Variants in DOK6 observed in about 807,000 individuals in gnomAD.
DOK6 encodes the protein downstream of tyrosine kinase 6.
DOK6 carries 22 observed loss-of-function variants against 44.0 expected under a neutral mutation model. The observed-to-expected ratio is 0.50, with a 90% CI of 0.36 to 0.71. The LOEUF (loss-of-function observed/expected upper bound fraction) is 0.71, where lower values mean the gene tolerates loss of function less well. Ranked by LOEUF, DOK6 falls within the 30% of genes least tolerant of loss-of-function variation. The pLI is 0.00. For missense variants in DOK6, 340 were observed against 416.4 expected (o/e 0.82, Z 1.60); for synonymous variants, 166 against 145.5 (o/e 1.14, Z -1.01).
intron 4 of DOK6, among the ~76,000 whole-genome samples, chr18:69,685,798 C>T (rs566881907): frequency 2.6e-5 from 4 of 152,128 alleles, no homozygotes; most frequent in Non-Finnish European, 5.9e-5. Context: ...AGTATCTTTG[C>T]GTTATAATTT....
At chr18:69,591,658 A>G (rs1983625195) in intron 2 of DOK6, among the ~76,000 whole-genome samples, 1 of 152,126 alleles carries the variant, frequency 6.6e-6, no homozygotes, top group South Asian at 2.1e-4. Context: ...GGTTTGCATA[A>G]CTGAGTAAAT....
At chr18:69,463,974 T>C (rs1331376825) in intron 1 of DOK6, among the ~76,000 whole-genome samples, 2 of 152,230 alleles carry the variant, frequency 1.3e-5, no homozygotes, top group Non-Finnish European at 2.9e-5. Context: ...TATTGACTTT[T>C]GTCAATATTT....
chr18:69,840,211 C>G (rs1841514307), intron 7 of DOK6, among the ~76,000 whole-genome samples: 1 of 152,240 alleles, frequency 6.6e-6, no homozygotes, highest in African/African-American at 2.4e-5. Flanking sequence ...AGATTGTCTT[C>G]TCTGTGTTCC....
At chr18:69,717,067 T>C (rs1008097421) in intron 5 of DOK6, among the ~76,000 whole-genome samples, 4 of 152,218 alleles carry the variant, frequency 2.6e-5, no homozygotes, top group African/African-American at 9.7e-5. Context: ...CACTCACCAG[T>C]TGAGAATTTT....
At chr18:69,716,931 T>C (rs1986897325) in intron 5 of DOK6, among the ~76,000 whole-genome samples, 1 of 152,216 alleles carries the variant, frequency 6.6e-6, no homozygotes, top group South Asian at 2.1e-4. Flanking sequence ...TGTACTAGAA[T>C]GTCATTTAAA....
chr18:69,796,222 G>C (rs8085346), intron 7 of DOK6, among the ~76,000 whole-genome samples: 38,894 of 152,016 alleles, frequency 0.26, 5,092 homozygotes, highest in Middle Eastern at 0.29. Context: ...CACAAACGAG[G>C]CTGACTTGCT....
intron 1 of DOK6, among the ~76,000 whole-genome samples, chr18:69,429,650 TA>T: frequency 1.3e-5 from 1 of 78,654 alleles, no homozygotes; most frequent in African/African-American, 5.2e-5. Flanking sequence ...TATATATATA[TA>T]TATATATATA....
intron 3 of DOK6, among the ~76,000 whole-genome samples, chr18:69,625,370 C>A (rs554556493): frequency 5.9e-5 from 9 of 152,140 alleles, no homozygotes; most frequent in Non-Finnish European, 1.0e-4. Context: ...TCTGGTGATG[C>A]ACCTTGGGAG....
intron 2 of DOK6, among the ~76,000 whole-genome samples, chr18:69,583,199 C>G (rs1983409312): frequency 6.6e-6 from 1 of 152,194 alleles, no homozygotes; most frequent in South Asian, 2.1e-4. Context: ...TTCTCACATT[C>G]TCATTGATGC....
At chr18:69,559,569 T>C (rs1250910280) in intron 1 of DOK6, among the ~76,000 whole-genome samples, 1 of 152,152 alleles carries the variant, frequency 6.6e-6, no homozygotes, top group African/African-American at 2.4e-5. Context: ...GTTTTTTACT[T>C]CCCCAATATT....
At chr18:69,674,165 AAAG>A (rs1198593978) in intron 3 of DOK6, among the ~76,000 whole-genome samples, 2 of 152,346 alleles carry the variant, frequency 1.3e-5, no homozygotes, top group African/African-American at 4.8e-5. Context: ...CTTGCCTAAG[AAAG>A]AAGAATTAAA....
intron 1 of DOK6, among the ~76,000 whole-genome samples, chr18:69,497,119 A>G (rs1568276663): frequency 1.3e-5 from 2 of 152,214 alleles, no homozygotes; most frequent in African/African-American, 4.8e-5. Context: ...CCATGCCACA[A>G]AGACAGTAAG....
chr18:69,817,357 A>T (rs1436941487), intron 7 of DOK6, among the ~76,000 whole-genome samples: 1 of 152,212 alleles, frequency 6.6e-6, no homozygotes, highest in African/African-American at 2.4e-5. Context: ...ACCCTAAAAG[A>T]GGTATCTCCA....
chr18:69,723,556 T>C (rs1364734001), intron 5 of DOK6, among the ~76,000 whole-genome samples: 4 of 152,198 alleles, frequency 2.6e-5, no homozygotes, highest in East Asian at 1.9e-4. Context: ...TCTCTAAACA[T>C]AGAAAATGCA....
In DOK6 at chr18:69,435,401, G is replaced by A. The variant is rs79025984; in HGVS notation, c.66+34091G>A. On this transcript the variant is annotated intron_variant, in intron 1 of 7. Transcript: ENST00000382713. ...AAATATGGGTCTTTCTATTAAGAAT[G>A]CATTGAACTGGTGGGTTGATTTAGT... 7.9e-3 allele frequency among the ~76,000 whole-genome samples: 1,208 copies of A among 152,302 alleles called. 18 individuals are homozygous for A. The highest frequency in any genetic ancestry group is 0.028 in the African/African-American group (1,154 of 41,576).
intron 7 of DOK6, among the ~76,000 whole-genome samples, chr18:69,795,270 G>A (rs1599329513): frequency 6.6e-6 from 1 of 152,028 alleles, no homozygotes; most frequent in Non-Finnish European, 1.5e-5. Context: ...GAGCTGTACA[G>A]TTCTCATACA....
At chr18:69,707,014 T>C (rs1232465698) in intron 5 of DOK6, among the ~76,000 whole-genome samples, 1 of 152,276 alleles carries the variant, frequency 6.6e-6, no homozygotes. Context: ...TGTGTCTTTA[T>C]AGCAGCATGA....
intron 3 of DOK6, among the ~76,000 whole-genome samples, chr18:69,649,446 C>G (rs1027823001): frequency 6.6e-6 from 1 of 152,022 alleles, no homozygotes; most frequent in Non-Finnish European, 1.5e-5. Context: ...TGGGATGGAT[C>G]CTAGGGTTGC....
intron 2 of DOK6, among the ~76,000 whole-genome samples, chr18:69,594,653 A>G (rs1443065710): frequency 6.6e-6 from 1 of 151,936 alleles, no homozygotes; most frequent in Non-Finnish European, 1.5e-5. Context: ...CAAATTGTCA[A>G]ATTGTCCCTC....
Sources: allele counts gnomAD v4.1 joint callset (sites outside exome capture counted in the v4.1 genomes callset), GRCh38; gene constraint gnomAD v4.1.1; transcripts MANE v1.5; gene names NCBI Gene and HGNC (gene_info 2026-07-23, HGNC 2026-07-21).